The following UBXN7 variants were observed in gnomAD, a reference collection of about 807,000 sequenced individuals.
UBXN7 encodes the protein UBX domain protein 7, also known as UBX domain-containing protein 7.
In UBXN7, 9 loss-of-function variants were observed where a neutral mutation model predicts 58.0. The observed-to-expected ratio is 0.16, with a 90% CI of 0.09 to 0.27. The LOEUF (loss-of-function observed/expected upper bound fraction) is 0.27. Among genes scored for constraint, UBXN7 ranks in the 10% least tolerant of loss-of-function variants. The pLI, the probability that UBXN7 is intolerant of heterozygous loss-of-function variation, is 1.00. For missense variants in UBXN7, 328 were observed against 599.6 expected (o/e 0.55, Z 4.73); for synonymous variants, 208 against 205.0 (o/e 1.01, Z -0.12).
intron 5 of UBXN7, among the ~76,000 whole-genome samples, chr3:196,383,860 A>C (rs902845384): frequency 6.6e-6 from 1 of 152,214 alleles, no homozygotes; most frequent in Non-Finnish European, 1.5e-5. Context: ...AAGATCTAAA[A>C]TTGACACCCT....
intron 1 of UBXN7, among the ~76,000 whole-genome samples, chr3:196,407,928 T>C (rs1237761184): frequency 6.6e-6 from 1 of 151,448 alleles, no homozygotes; most frequent in African/African-American, 2.4e-5. Context: ...TGAAATGCCG[T>C]CTCTACTAAA....
intron 5 of UBXN7, among the ~76,000 whole-genome samples, chr3:196,379,767 C>T (rs753276372): frequency 2.6e-5 from 4 of 152,076 alleles, no homozygotes; most frequent in Admixed American, 6.6e-5. Context: ...TTCTGTGATT[C>T]GCCAGAAAGA....
chr3:196,431,196 A>G (rs534937257), intron 1 of UBXN7, among the ~76,000 whole-genome samples: 4 of 152,234 alleles, frequency 2.6e-5, no homozygotes, highest in Admixed American at 6.5e-5. Context: ...GCATCTAACA[A>G]ATTACGAGAT....
At chr3:196,368,288 A>G (rs1577436906) in intron 7 of UBXN7, 133 bp from the exon 8 acceptor site, 3 of 832,574 alleles carry the variant, frequency 3.6e-6, no homozygotes. Flanking sequence ...CAGCATATGC[A>G]TAGATTAAAA....
At chr3:196,418,051 C>G (rs754624497) in intron 1 of UBXN7, among the ~76,000 whole-genome samples, 1 of 151,806 alleles carries the variant, frequency 6.6e-6, no homozygotes, top group Non-Finnish European at 1.5e-5. Flanking sequence ...CCAGCCTGAC[C>G]AACATGTGAA....
chr3:196,370,277 TTTTG>T (rs145343442), intron 6 of UBXN7, among the ~76,000 whole-genome samples: 76,644 of 148,852 alleles, frequency 0.51, 20,175 homozygotes, highest in East Asian at 0.9. Flanking sequence ...TTTTGTTTTT[TTTTG>T]TTTGTTTGTT....
chr3:196,376,069 AAT>A (rs1190505240), intron 5 of UBXN7, among the ~76,000 whole-genome samples: 1 of 152,190 alleles, frequency 6.6e-6, no homozygotes, highest in African/African-American at 2.4e-5. Flanking sequence ...GAACAAATTT[AAT>A]ATGTTTCAGT....
intron 5 of UBXN7, among the ~76,000 whole-genome samples, chr3:196,374,987 G>GAA (rs1216940804): frequency 7.3e-5 from 4 of 55,006 alleles, no homozygotes; most frequent in Non-Finnish European, 1.8e-4. Flanking sequence ...AGGAAGGAAG[G>GAA]GAGGGAGGGA....
intron 6 of UBXN7, among the ~76,000 whole-genome samples, chr3:196,369,714 A>G (rs1728766050): frequency 6.6e-6 from 1 of 152,196 alleles, no homozygotes; most frequent in South Asian, 2.1e-4. Context: ...AATTTACCAT[A>G]AACATATTGA....
chr3:196,432,077 G>A, intron 1 of UBXN7: 2 of 618,808 alleles, frequency 3.2e-6, no homozygotes. Context: ...GGTCTGGGCT[G>A]GCGGGGGGTT....
At chr3:196,357,635 C>A (rs1728386601) in intron 10 of UBXN7, among the ~76,000 whole-genome samples, 1 of 151,928 alleles carries the variant, frequency 6.6e-6, no homozygotes, top group African/African-American at 2.4e-5. Context: ...GGCATGGTGG[C>A]TCACCTGAGG....
chr3:196,361,476 T>C (rs1417425356), intron 10 of UBXN7, among the ~76,000 whole-genome samples: 1 of 152,144 alleles, frequency 6.6e-6, no homozygotes, highest in Non-Finnish European at 1.5e-5. Context: ...TAAAATACTA[T>C]CAAACGGCAG....
intron 3 of UBXN7, among the ~76,000 whole-genome samples, chr3:196,401,400 C>A (rs1729979349): frequency 6.8e-6 from 1 of 147,616 alleles, no homozygotes; most frequent in African/African-American, 2.5e-5. Flanking sequence ...AAACTCTCAA[C>A]TAAAGTACTT....
At chr3:196,370,834 A>G (rs1728807435) in intron 6 of UBXN7, among the ~76,000 whole-genome samples, 1 of 149,292 alleles carries the variant, frequency 6.7e-6, no homozygotes, top group South Asian at 2.2e-4. Context: ...GAGCCTGGGC[A>G]ATATGGCAGG....
chr3:196,418,604 G>A (rs981981646), intron 1 of UBXN7, among the ~76,000 whole-genome samples: 9 of 152,178 alleles, frequency 5.9e-5, no homozygotes, highest in African/African-American at 2.2e-4. Context: ...CTGCTTCAAA[G>A]ACATCTATAA....
Position 196,417,724 on chromosome 3 carries a change from TAAAA to T in UBXN7, c.74-10335_74-10332del, listed in dbSNP as rs749981900. ...TTGAGACCAGTCTGGGCAAAATGGT[TAAAA>T]AAAAAAAAAAAAAAAAAAAAAAAAA... On this transcript the variant is annotated intron_variant, in intron 1 of 10. Transcript: ENST00000296328. 1.9e-4 allele frequency among the ~76,000 whole-genome samples: 6 copies of T among 31,680 alleles called. No homozygotes were observed. The South Asian group carries it at 4.6e-3, about 24-fold the overall frequency. The allele number at this position is 31,680 out of a possible 152,430, so 20.8% of individuals were successfully genotyped here.
At chr3:196,391,258 C>T (rs529057958) in intron 5 of UBXN7, among the ~76,000 whole-genome samples, 4 of 152,016 alleles carry the variant, frequency 2.6e-5, no homozygotes, top group South Asian at 2.1e-4. Context: ...AAAATGACAC[C>T]GCACAAGGCT....
At chr3:196,412,503 C>G (rs756155201) in intron 1 of UBXN7, among the ~76,000 whole-genome samples, 1 of 151,958 alleles carries the variant, frequency 6.6e-6, no homozygotes, top group South Asian at 2.1e-4. Context: ...AATGGTACAA[C>G]GAGGGTGGAA....
chr3:196,403,290 TG>T (rs1028677732), intron 2 of UBXN7, among the ~76,000 whole-genome samples: 4 of 152,102 alleles, frequency 2.6e-5, no homozygotes, highest in African/African-American at 7.2e-5. Flanking sequence ...CCCTAGCAGC[TG>T]GGACTACAGG....
Sources: allele counts gnomAD v4.1 joint callset (sites outside exome capture counted in the v4.1 genomes callset), GRCh38; gene constraint gnomAD v4.1.1; transcripts MANE v1.5; gene names NCBI Gene and HGNC (gene_info 2026-07-23, HGNC 2026-07-21).